The following NF1 variants were observed in gnomAD, a reference collection of about 807,000 sequenced individuals.
NF1 encodes neurofibromin.
A neutral mutation model predicts 325.7 loss-of-function variants in NF1; 122 were observed. That is an observed-to-expected ratio of 0.37 (90% CI 0.32 to 0.44). The LOEUF (loss-of-function observed/expected upper bound fraction) is 0.44, where lower values mean the gene tolerates loss of function less well. NF1 is among the 20% of genes least tolerant of loss of function. The pLI is 1.00. For synonymous variants in NF1, 1,091 were observed against 1,186.0 expected (o/e 0.92, Z 1.65); for missense variants, 2,140 against 3,415.4 (o/e 0.63, Z 9.31).
At chr17:31,111,215 GAAA>G (rs572424324) in intron 1 of NF1, among the ~76,000 whole-genome samples, 1 of 135,246 alleles carries the variant, frequency 7.4e-6, no homozygotes. Flanking sequence ...TAAAAGCACA[GAAA>G]AAAAAAAAAG....
At chr17:31,230,031 A>G (rs2151431009) in intron 22 of NF1, 57 bp downstream of exon 22, 1 of 1,586,730 alleles carries the variant, frequency 6.3e-7, no homozygotes, top group Non-Finnish European at 8.6e-7. Flanking sequence ...AAAACCTCTT[A>G]CACACTGATA....
intron 8 of NF1, among the ~76,000 whole-genome samples, chr17:31,188,366 T>C (rs1325735855): frequency 6.6e-6 from 1 of 152,244 alleles, no homozygotes; most frequent in Admixed American, 6.5e-5. Flanking sequence ...TTCCTTTTTC[T>C]TTTATCATAT....
intron 48 of NF1, 87 bp downstream of exon 48, chr17:31,343,222 G>T: frequency 7.6e-7 from 1 of 1,316,082 alleles, no homozygotes; most frequent in African/African-American, 1.5e-5. Flanking sequence ...GAAATAAATT[G>T]AAGTAAGTTA....
chr17:31,366,918 G>T (rs980078085), intron 57 of NF1, among the ~76,000 whole-genome samples: 2 of 151,764 alleles, frequency 1.3e-5, no homozygotes, highest in Non-Finnish European at 2.9e-5. Context: ...ATTTTAAATT[G>T]AGCGATTTCT....
At chr17:31,346,862 C>T (rs1185892779) in intron 48 of NF1, among the ~76,000 whole-genome samples, 9 of 119,026 alleles carry the variant, frequency 7.6e-5, no homozygotes, top group African/African-American at 2.9e-4. Context: ...CACTCTTAGG[C>T]TTTTAAACAA....
At chr17:31,218,761 A>G (rs1056962181) in intron 13 of NF1, among the ~76,000 whole-genome samples, 3 of 151,748 alleles carry the variant, frequency 2.0e-5, no homozygotes, top group African/African-American at 7.3e-5. Flanking sequence ...TAGTAGAGAT[A>G]GAATTTCACC....
intron 36 of NF1, among the ~76,000 whole-genome samples, chr17:31,280,219 T>A (rs1293520473): frequency 6.6e-6 from 1 of 150,738 alleles, no homozygotes; most frequent in Non-Finnish European, 1.5e-5. Flanking sequence ...AATTTTTTTT[T>A]TTTTTAAAAA....
At chr17:31,267,440 C>T (rs1191831418) in intron 36 of NF1, among the ~76,000 whole-genome samples, 1 of 151,860 alleles carries the variant, frequency 6.6e-6, no homozygotes, top group Non-Finnish European at 1.5e-5. Flanking sequence ...ATTTTCAATC[C>T]TTTTAGTTTC....
rs1257553671 is a variant in NF1, at chr17:31,224,481, T to C, written c.1846-614T>C. Among the ~76,000 whole-genome samples the C allele has an allele frequency of 2.0e-5, 3 of 152,196 alleles. No homozygotes were observed. In the East Asian group the frequency reaches 5.8e-4, roughly 29 times the overall value. On this transcript the variant is annotated intron_variant, in intron 16 of 57. Transcript: ENST00000358273. ...ATGGTGAAGTGGGTTTATTCACATG[T>C]GACTTATTTGATATGTTAATGTAGT...
intron 1 of NF1, among the ~76,000 whole-genome samples, chr17:31,140,014 A>G (rs767650812): frequency 6.6e-6 from 1 of 152,216 alleles, no homozygotes; most frequent in Non-Finnish European, 1.5e-5. Context: ...GAGGCGGTGT[A>G]ACATACCAGT....
At chr17:31,163,489 G>A in intron 4 of NF1, 113 bp downstream of exon 4, 3 of 1,208,682 alleles carry the variant, frequency 2.5e-6, no homozygotes, top group Non-Finnish European at 3.5e-6. Flanking sequence ...TTGTTTTTGA[G>A]ACAAGTTCTT....
At chr17:31,102,880 C>T (rs955120611) in intron 1 of NF1, among the ~76,000 whole-genome samples, 16 of 150,324 alleles carry the variant, frequency 1.1e-4, no homozygotes, top group African/African-American at 3.4e-4. Context: ...GAGTCTCGCT[C>T]TATTGCCCAG....
At chr17:31,322,142 C>G (rs1417097715) in intron 36 of NF1, among the ~76,000 whole-genome samples, 1 of 146,808 alleles carries the variant, frequency 6.8e-6, no homozygotes, top group Non-Finnish European at 1.5e-5. Flanking sequence ...TGTCAAACAT[C>G]CTGTCATCAC....
rs775369084 is a variant in NF1 at position 31,219,018 on chromosome 17, A to G, written c.1541A>G (p.Gln514Arg). 1 of 1,613,200 alleles carries G rather than the reference A, an allele frequency of 6.2e-7. No homozygotes were observed. The highest frequency in any genetic ancestry group is 1.1e-5 in the South Asian group (1 of 90,934). ...TTTTCCTTGCAGAATCCAAGAAAAC[A>G]GGGGCCCGAAACCCAAGGCAGTACA... ...PKLLLCNPRK[Q>R]GPETQGSTAE... Residue 514 changes from glutamine to arginine, a missense_variant, in exon 14 of 58, where the codon CAG becomes CGG. Gln to Arg is a conservative substitution (Grantham distance 43). Around this residue, in one of 10 missense-constraint regions of NF1, gnomAD observed 179 missense variants for 381.0 expected, o/e 0.47. Transcript: ENST00000358273.
At chr17:31,161,760 G>A (rs903830099) in intron 3 of NF1, among the ~76,000 whole-genome samples, 3 of 152,156 alleles carry the variant, frequency 2.0e-5, no homozygotes, top group Admixed American at 1.3e-4. Context: ...TACAGGCCGG[G>A]CACCATGGCT....
Position 31,325,875 on chromosome 17 carries a change from T to C in NF1, c.4891T>C (p.Leu1631=), listed in dbSNP as rs1455791933. The change falls in exon 37 of 58, where the codon TTA becomes CTA. Residue 1631 remains leucine (L), a synonymous_variant. Transcript: ENST00000358273. ...DLLIYHVLLT[L]KPYYAKPYEI... is the part of the protein sequence containing the mutation. Reference sequence around the variant, plus strand: ...GCTGATATACCATGTCTTACTGACTTTAAAGCCATATTATGCAAAGCCATA... The same window carrying C: ...GCTGATATACCATGTCTTACTGACTCTAAAGCCATATTATGCAAAGCCATA... 1.2e-6 allele frequency: 2 copies of C among 1,614,108 alleles called. No individual in the cohort carries two copies. Among genetic ancestry groups the C allele is most frequent in the African/African-American group, 2.7e-5 (2 of 74,936 alleles).
Position 31,235,651 on chromosome 17 carries a change from G to A in NF1, c.3749G>A (p.Arg1250Gln), listed in dbSNP as rs199474765. 4 of 1,613,746 alleles carry A rather than the reference G, an allele frequency of 2.5e-6. No homozygotes were observed. The highest frequency in any genetic ancestry group is 3.4e-6 in the Non-Finnish European group (4 of 1,179,978). The change falls in exon 28 of 58, where the codon CGG (arginine) becomes CAG (glutamine). Residue 1250 changes from arginine (R) to glutamine (Q), a missense_variant. Arg to Gln is a conservative substitution (Grantham distance 43, BLOSUM62 1). This residue lies in a region of NF1 where 336 missense variants were observed against 399.0 expected (regional missense o/e 0.84). Coordinates refer to ENST00000358273, the MANE Select transcript of NF1 (RefSeq NM_001042492.3). The stretch of plus-strand genomic sequence containing the variant: ...GTTCTGGTTACTCTGTTTGATTCTC[G>A]GCATTTACTCTACCAACTGCTCTGG... The part of the protein sequence containing the change: ...ARVLVTLFDS[R>Q]HLLYQLLWNM...
chr17:31,322,103 ACACAC>A, intron 36 of NF1, among the ~76,000 whole-genome samples: 1 of 103,704 alleles, frequency 9.6e-6, no homozygotes, highest in African/African-American at 2.8e-5. Context: ...ATACACACAC[ACACAC>A]ACACACACAC....
chr17:31,246,370 C>T (rs372409753), intron 29 of NF1, among the ~76,000 whole-genome samples: 3 of 152,356 alleles, frequency 2.0e-5, no homozygotes, highest in East Asian at 3.9e-4. Flanking sequence ...TGAACTCTTA[C>T]TGTATTCATA....
Sources: allele counts gnomAD v4.1 joint callset (sites outside exome capture counted in the v4.1 genomes callset), GRCh38; gene constraint gnomAD v4.1.1; regional missense constraint gnomAD v4.1.1; transcripts MANE v1.5; gene names NCBI Gene and HGNC (gene_info 2026-07-23, HGNC 2026-07-21).